ANO1: variants seen among roughly 807,000 people sequenced by gnomAD.
ANO1 encodes anoctamin-1.
Under a neutral mutation model 124.0 loss-of-function variants are expected in ANO1, and 59 were observed. The ratio of observed to expected loss-of-function variants is 0.48; its 90% CI spans 0.39 to 0.59. The LOEUF (loss-of-function observed/expected upper bound fraction) is 0.59. Ranked by LOEUF, ANO1 falls within the 20% of genes least tolerant of loss-of-function variation. ANO1 has a pLI of 0.00. For missense variants in ANO1, 1,059 were observed against 1,328.0 expected (o/e 0.80, Z 3.15); for synonymous variants, 529 against 532.0 (o/e 0.99, Z 0.08).
chr11:70,168,196 C>G (rs1042065560), intron 21 of ANO1, among the ~76,000 whole-genome samples: 1 of 152,230 alleles, frequency 6.6e-6, no homozygotes. Flanking sequence ...CTCCTGCACT[C>G]TGCACATGCT....
chr11:70,059,734 C>T (rs1555007460), intron 1 of ANO1, among the ~76,000 whole-genome samples: 1 of 152,024 alleles, frequency 6.6e-6, no homozygotes, highest in African/African-American at 2.4e-5. Context: ...GCTTGTATCC[C>T]ACGTAGAAGT....
In ANO1 at chr11:70,123,892, T is replaced by G. The variant is rs376999244; in HGVS notation, c.898-458T>G. Reference sequence around the variant, plus strand: ...TGTCCCTGCCCAAAGCCTGGGGGGGTAACAGGGTGTGTGTCAATTTCACTT... The same window carrying G: ...TGTCCCTGCCCAAAGCCTGGGGGGGGAACAGGGTGTGTGTCAATTTCACTT... On this transcript the variant is annotated intron_variant, in intron 8 of 25. Transcript: ENST00000355303. Among the ~76,000 whole-genome samples, 12 of 152,100 alleles carry G rather than the reference T, an allele frequency of 7.9e-5. No homozygotes were observed. The East Asian group carries it at 1.9e-3, about 24-fold the overall frequency.
At chr11:70,073,750 T>G (rs10897908), upstream of ANO1, among the ~76,000 whole-genome samples, 119,131 of 151,878 alleles carry the variant, frequency 0.78, 47,005 homozygotes, top group African/African-American at 0.86. Context: ...GCAGGCCTTG[T>G]GTTCACAAAA....
chr11:70,108,263 G>A (rs1179434957), intron 5 of ANO1, 90 bp from the exon 6 acceptor site: 7 of 1,342,198 alleles, frequency 5.2e-6, no homozygotes, highest in Non-Finnish European at 6.3e-6. Context: ...CGTAACGTGT[G>A]ACCAGGTCCT....
intron 8 of ANO1, among the ~76,000 whole-genome samples, chr11:70,119,661 GGATGAAT>G (rs892972251): frequency 2.0e-5 from 3 of 151,120 alleles, no homozygotes; most frequent in African/African-American, 7.3e-5. Context: ...GATGATGGAA[GGATGAAT>G]GATGGATGAT....
At chr11:70,049,131 T>G (rs1338027613) in intron 1 of ANO1, among the ~76,000 whole-genome samples, 2 of 152,138 alleles carry the variant, frequency 1.3e-5, no homozygotes, top group Non-Finnish European at 2.9e-5. Context: ...CTAAGATGCA[T>G]AAAGATGCCA....
intron 1 of ANO1, among the ~76,000 whole-genome samples, chr11:70,004,429 G>A (rs1211312193): frequency 2.6e-5 from 4 of 152,230 alleles, no homozygotes; most frequent in Non-Finnish European, 1.5e-5. Context: ...TAGTCATTGT[G>A]CCCTTCGAGG....
chr11:70,170,821 TG>T, intron 21 of ANO1, 65 bp from the exon 22 acceptor site: 1 of 1,536,304 alleles, frequency 6.5e-7, no homozygotes, highest in Non-Finnish European at 8.8e-7. Flanking sequence ...GCACACGGGG[TG>T]GTGGAGTCCC....
At chr11:69,976,542 AAAAAAAAAAAAAG>A in the ANO1 span, among the ~76,000 whole-genome samples, 6 of 87,358 alleles carry the variant, frequency 6.9e-5, no homozygotes, top group African/African-American at 2.0e-4. Context: ...AAAAAAAAAA[AAAAAAAAAAAAAG>A]AGAGAGAGAG....
At chr11:70,071,479 T>C (rs79399831) in intron 1 of ANO1, among the ~76,000 whole-genome samples, 14,729 of 152,280 alleles carry the variant, frequency 0.097, 1,005 homozygotes, top group Admixed American at 0.18. Flanking sequence ...CAGTCCAGCC[T>C]GGTCGCTCCT....
At chr11:70,177,440 G>A (rs1481150840) in intron 22 of ANO1, among the ~76,000 whole-genome samples, 4 of 152,188 alleles carry the variant, frequency 2.6e-5, no homozygotes, top group Non-Finnish European at 5.9e-5. Context: ...GTCGGAGGTC[G>A]CCGGGAGGCC....
At position 70,172,050 on chromosome 11, in the gene ANO1, G is replaced by A. The variant is rs770165355; in HGVS notation, c.2350+1011G>A. Among the ~76,000 whole-genome samples the A allele has an allele frequency of 3.3e-5, 5 of 151,082 alleles. No homozygotes were observed. In the Middle Eastern group the frequency reaches 0.014, roughly 414 times the overall value. On this transcript the variant is annotated intron_variant, in intron 22 of 25. Coordinates refer to ENST00000355303, the MANE Select transcript of ANO1 (RefSeq NM_018043.7). ...CAGGAGGATCATGTCAGCCCAGGAGGTCAAGGCTGCAGTGAGACGTGATCA... is the reference window on the plus strand; with the variant it reads ...CAGGAGGATCATGTCAGCCCAGGAGATCAAGGCTGCAGTGAGACGTGATCA...
chr11:69,971,705 A>C, the ANO1 span, among the ~76,000 whole-genome samples: 1 of 151,978 alleles, frequency 6.6e-6, no homozygotes, highest in African/African-American at 2.4e-5. Context: ...ATCAAAGCTC[A>C]CCCTCACTTT....
intron 1 of ANO1, among the ~76,000 whole-genome samples, chr11:70,071,421 ATCCAATATAATTT>A: frequency 6.6e-6 from 1 of 152,342 alleles, no homozygotes; most frequent in Non-Finnish European, 1.5e-5. Flanking sequence ...AATAAAAGCC[ATCCAATATAATTT>A]TCCTTAAATA....
intron 21 of ANO1, among the ~76,000 whole-genome samples, chr11:70,168,408 G>A (rs561481259): frequency 1.1e-4 from 17 of 151,682 alleles, no homozygotes; most frequent in Non-Finnish European, 1.9e-4. Context: ...TCCCCGACAC[G>A]GCCACGACCC....
chr11:70,073,902 G>A (rs976078796), upstream of ANO1, among the ~76,000 whole-genome samples: 3 of 133,064 alleles, frequency 2.3e-5, no homozygotes, highest in Admixed American at 9.4e-5. Context: ...AGCTTCGGCC[G>A]GCAGTTTCCG....
rs72639103 is a variant in ANO1 at position 70,094,442 on chromosome 11, C to T, written c.441+6358C>T. ...GAGAGGCCCTCACAGATTTGAGAAT[C>T]GGGGGTGGGGGCCTGGAATTTGAGG... On this transcript the variant is annotated intron_variant, in intron 2 of 25. Coordinates refer to ENST00000355303, the MANE Select transcript of ANO1 (RefSeq NM_018043.7). Among the ~76,000 whole-genome samples the T allele has an allele frequency of 8.8e-3, 1,341 of 152,286 alleles. 58 individuals carry two copies. Among genetic ancestry groups the T allele is most frequent in the Admixed American group, 0.068 (1,044 of 15,302 alleles).
the ANO1 span, among the ~76,000 whole-genome samples, chr11:69,980,833 C>A: frequency 1.3e-5 from 2 of 152,092 alleles, no homozygotes; most frequent in African/African-American, 4.8e-5. Flanking sequence ...GCGGGCAGAT[C>A]ACAAGGTCAA....
chr11:69,971,839 T>C, the ANO1 span, among the ~76,000 whole-genome samples: 2 of 152,116 alleles, frequency 1.3e-5, no homozygotes, highest in East Asian at 3.9e-4. Context: ...GTGACTCTTA[T>C]CCCATCCTTA....
Sources: allele counts gnomAD v4.1 joint callset (sites outside exome capture counted in the v4.1 genomes callset), GRCh38; gene constraint gnomAD v4.1.1; transcripts MANE v1.5; gene names NCBI Gene and HGNC (gene_info 2026-07-23, HGNC 2026-07-21).